SIGLEC15: variants seen among roughly 807,000 people sequenced by gnomAD.
The protein encoded by SIGLEC15 is sialic acid-binding Ig-like lectin 15.
In SIGLEC15, 31 loss-of-function variants were observed where a neutral mutation model predicts 26.2. The ratio of observed to expected loss-of-function variants is 1.18; its 90% CI spans 0.89 to 1.60. The LOEUF (loss-of-function observed/expected upper bound fraction) is 1.60, where lower values mean the gene tolerates loss of function less well. SIGLEC15 is among the 40% of genes most tolerant of loss of function. SIGLEC15 has a pLI of 0.00. For missense variants in SIGLEC15, 501 were observed against 488.4 expected (o/e 1.03, Z -0.24); for synonymous variants, 207 against 221.9 (o/e 0.93, Z 0.60).
chr18:45,837,915 G>T lies in SIGLEC15; in HGVS notation c.496+19G>T, dbSNP rs750157393. On this transcript the variant is annotated intron_variant, in intron 3 of 5. Transcript: ENST00000389474. ...GTGACAGGCGAGGCGGCGTGGGAGC[G>T]GGTCCCCGGCCTCCCTTCCCGCCCT... is the stretch of plus-strand genomic sequence containing the variant. The T allele has an allele frequency of 4.1e-5, 61 of 1,475,076 alleles. No homozygotes were observed. Among genetic ancestry groups the T allele is most frequent in the Non-Finnish European group, 5.3e-5 (60 of 1,123,250 alleles). The allele number at this position is 1,475,076 out of a possible 1,614,324, so 91.4% of individuals were successfully genotyped here. A position where few individuals can be genotyped will look rare whatever the true frequency, so the allele number is the denominator to read the frequency against.
At chr18:45,839,750 A>G (rs2048308960) in intron 4 of SIGLEC15, among the ~76,000 whole-genome samples, 1 of 152,190 alleles carries the variant, frequency 6.6e-6, no homozygotes, top group South Asian at 2.1e-4. Context: ...TGGATTGACT[A>G]ACAGGGTGTC....
chr18:45,829,266 T>C, intron 1 of SIGLEC15: 5 of 581,240 alleles, frequency 8.6e-6, no homozygotes, highest in South Asian at 7.4e-5. Context: ...CTGAAGCAGA[T>C]AGAGACCAGC....
intron 3 of SIGLEC15, among the ~76,000 whole-genome samples, chr18:45,838,106 G>C (rs1394727091): frequency 6.6e-6 from 1 of 152,232 alleles, no homozygotes; most frequent in East Asian, 1.9e-4. Flanking sequence ...CCCAGGAAGG[G>C]CTGAGGTGGG....
intron 4 of SIGLEC15, among the ~76,000 whole-genome samples, chr18:45,839,535 G>C (rs551559149): frequency 1.3e-5 from 2 of 152,262 alleles, no homozygotes; most frequent in African/African-American, 4.8e-5. Flanking sequence ...TGCGTGCTGA[G>C]CGGTAGACAG....
chr18:45,832,140 T>C (rs549448447), intron 1 of SIGLEC15, among the ~76,000 whole-genome samples: 2 of 152,352 alleles, frequency 1.3e-5, no homozygotes, highest in Admixed American at 1.3e-4. Context: ...TATGGAGCAT[T>C]TGCTGTGTGT....
intron 1 of SIGLEC15, among the ~76,000 whole-genome samples, chr18:45,830,608 C>T (rs1269822714): frequency 2.4e-4 from 7 of 29,548 alleles, no homozygotes; most frequent in Admixed American, 1.5e-3. Context: ...TTTTTTGAGA[C>T]GGAGTCTCGC....
rs867045623 is a variant in SIGLEC15, at chr18:45,825,778, C to A, written c.50C>A (p.Thr17Lys). 7 of 1,614,234 alleles carry A rather than the reference C, an allele frequency of 4.3e-6. No homozygotes were observed. In the Middle Eastern group the frequency reaches 1.2e-3, roughly 266 times the overall value. ...LLACLAWVLP[T>K]GSFVRTKIDT... ...GCCTGCTTGGCGTGGGTTCTCCCGA[C>A]AGGTGAGTGTCTGCTACTCTCTCTG... Residue 17 changes from threonine to lysine, a missense_variant and splice_region_variant, in exon 1 of 6, where the codon ACA (threonine) becomes AAA (lysine). Physicochemically the swap from Thr to Lys is moderately conservative, Grantham distance 78. Transcript: ENST00000389474.
chr18:45,837,459 G>A, intron 2 of SIGLEC15, 54 bp from the exon 3 acceptor site: 1 of 1,423,034 alleles, frequency 7.0e-7, no homozygotes, highest in Non-Finnish European at 9.1e-7. Flanking sequence ...GGCCCCGGGT[G>A]CGGGCGCCTC....
intron 1 of SIGLEC15, among the ~76,000 whole-genome samples, chr18:45,834,793 G>T (rs540827670): frequency 6.6e-6 from 1 of 152,358 alleles, no homozygotes; most frequent in African/African-American, 2.4e-5. Context: ...AATATGTGGG[G>T]AATCTGTGCC....
At position 45,842,442 on chromosome 18, in the gene SIGLEC15, T is replaced by TGTGAGAGA. The variant is rs372465193; in HGVS notation, c.*256_*257insTGAGAGAG. On this transcript the variant is annotated 3_prime_UTR_variant, in exon 6 of 6. Transcript: ENST00000389474. ...ATACGTCTGTGTGTGTGTGTGTGTG[T>TGTGAGAGA]GAGAGAGAGAGAGAGAGAGTACACG... 11 of 345,074 alleles carry TGTGAGAGA rather than the reference T, an allele frequency of 3.2e-5. No individual in the cohort carries two copies. The highest frequency in any genetic ancestry group is 1.5e-4 in the African/African-American group (7 of 46,972). 21.4% of individuals were successfully genotyped at this position (345,074 alleles called of 1,614,324 possible).
chr18:45,837,582 T>G lies in SIGLEC15; in HGVS notation c.182T>G (p.Val61Gly), dbSNP rs997230145. 2 of 1,515,464 alleles carry G rather than the reference T, an allele frequency of 1.3e-6. No homozygotes were observed. The highest frequency in any genetic ancestry group is 1.8e-6 in the Non-Finnish European group (2 of 1,139,328). The allele number at this position is 1,515,464 out of a possible 1,614,324, so 93.9% of individuals were successfully genotyped here. A position where few individuals can be genotyped will look rare whatever the true frequency, so the allele number is the denominator to read the frequency against. Residue 61 changes from valine to glycine, a missense_variant, in exon 3 of 6, where the codon GTG becomes GGG. Coordinates refer to ENST00000389474, the MANE Select transcript of SIGLEC15 (RefSeq NM_213602.3). ...EVSAEAGDAA[V>G]LPCTFTHPHR... is the part of the protein sequence containing the mutation. The stretch of plus-strand genomic sequence containing the variant: ...AGCGCGGAGGCAGGCGACGCGGCAG[T>G]GCTGCCCTGCACCTTCACGCACCCG...
In SIGLEC15 at chr18:45,838,700, C is replaced by T. The variant is rs746194451; in HGVS notation, c.497-18C>T. ...GGAGGGGTGCCCTTGTGACAGTCAC[C>T]CGCCTTCTCCCCTGCAGCCGCGCCG... On this transcript the variant is annotated intron_variant, in intron 3 of 5. Transcript: ENST00000389474. 2 of 1,553,840 alleles carry T rather than the reference C, an allele frequency of 1.3e-6. No homozygotes were observed. The highest frequency in any genetic ancestry group is 2.3e-5 in the East Asian group (1 of 42,912).
rs554204255 is a variant in SIGLEC15, at chr18:45,830,723, CT to C, written c.52+4944del. On this transcript the variant is annotated intron_variant, in intron 1 of 5. Coordinates refer to ENST00000389474, the MANE Select transcript of SIGLEC15 (RefSeq NM_213602.3). ...GCCTCAGCCTCTCAAGTAGCTGGAA[CT>C]ACAGGCACCCACTGCCATGCCAGGC... 1.6e-3 allele frequency among the ~76,000 whole-genome samples: 232 copies of C among 149,006 alleles called. 2 individuals are homozygous for C. Among genetic ancestry groups the C allele is most frequent in the African/African-American group, 5.2e-3 (213 of 40,574 alleles).
intron 5 of SIGLEC15, among the ~76,000 whole-genome samples, chr18:45,841,518 A>G (rs773621203): frequency 1.3e-5 from 2 of 152,122 alleles, no homozygotes; most frequent in African/African-American, 2.4e-5. Context: ...ACTTGGTTGC[A>G]GGCCGTTGGC....
chr18:45,837,463 G>A (rs1354143210), intron 2 of SIGLEC15, 50 bp from the exon 3 acceptor site: 6 of 1,424,608 alleles, frequency 4.2e-6, no homozygotes, highest in African/African-American at 3.0e-5. Flanking sequence ...CCGGGTGCGG[G>A]CGCCTCGACC....
chr18:45,841,439 G>T (rs1264460471), intron 5 of SIGLEC15, among the ~76,000 whole-genome samples: 1 of 152,208 alleles, frequency 6.6e-6, no homozygotes, highest in East Asian at 1.9e-4. Context: ...GTTATTGTGG[G>T]TGCAATGGGA....
At chr18:45,841,393 G>A (rs1311687270) in intron 5 of SIGLEC15, among the ~76,000 whole-genome samples, 1 of 152,184 alleles carries the variant, frequency 6.6e-6, no homozygotes, top group Admixed American at 6.5e-5. Flanking sequence ...GGCATTTCTG[G>A]AGGGTGGACG....
chr18:45,838,015 C>T (rs1043489517), intron 3 of SIGLEC15, 119 bp downstream of exon 3: 184 of 1,261,018 alleles, frequency 1.5e-4, no homozygotes, highest in South Asian at 1.1e-3. Flanking sequence ...GAGACCCAGC[C>T]CTCTCCTCTA....
chr18:45,827,806 T>C (rs1489731374), intron 1 of SIGLEC15, among the ~76,000 whole-genome samples: 1 of 152,142 alleles, frequency 6.6e-6, no homozygotes, highest in Non-Finnish European at 1.5e-5. Context: ...TGATTTCTTT[T>C]TTTCTCTCCT....
Sources: gnomAD v4.1 joint callset for allele counts (sites outside exome capture counted in the v4.1 genomes callset) on GRCh38, gnomAD v4.1.1 for gene constraint, MANE v1.5 for transcripts, NCBI Gene and HGNC (gene_info 2026-07-23, HGNC 2026-07-21) for gene names.